ECHDC1: variants seen among roughly 807,000 people sequenced by gnomAD.
ECHDC1 encodes ethylmalonyl-CoA decarboxylase 1.
A neutral mutation model predicts 29.7 loss-of-function variants in ECHDC1; 29 were observed. The ratio of observed to expected loss-of-function variants is 0.98; its 90% CI spans 0.73 to 1.33. The LOEUF (loss-of-function observed/expected upper bound fraction) is 1.33, where lower values mean the gene tolerates loss of function less well. ECHDC1 is among the 40% of genes most tolerant of loss of function. The pLI is 0.00. For missense variants in ECHDC1, 328 were observed against 350.0 expected (o/e 0.94, Z 0.50); for synonymous variants, 126 against 123.1 (o/e 1.02, Z -0.15).
intron 1 of ECHDC1, among the ~76,000 whole-genome samples, chr6:127,333,314 G>T (rs1248850145): frequency 6.6e-6 from 1 of 152,110 alleles, no homozygotes; most frequent in Non-Finnish European, 1.5e-5. Flanking sequence ...TTCCCAGCTT[G>T]ACTTTTCCCT....
At chr6:127,338,247 T>C (rs868618128) in intron 1 of ECHDC1, among the ~76,000 whole-genome samples, 1 of 152,186 alleles carries the variant, frequency 6.6e-6, no homozygotes, top group Non-Finnish European at 1.5e-5. Flanking sequence ...TTGTTAGCGA[T>C]TTCAGAGAGA....
chr6:127,328,044 A>G (rs576768508), intron 2 of ECHDC1, among the ~76,000 whole-genome samples: 1 of 152,358 alleles, frequency 6.6e-6, no homozygotes, highest in African/African-American at 2.4e-5. Flanking sequence ...AGGTTCCAAA[A>G]GATGGCCCCA....
chr6:127,292,181 T>A (rs1780248964), intron 5 of ECHDC1, among the ~76,000 whole-genome samples: 1 of 152,044 alleles, frequency 6.6e-6, no homozygotes, highest in African/African-American at 2.4e-5. Context: ...TAAAGGACTA[T>A]GCCAGGAATA....
chr6:127,319,539 T>C (rs954672163), intron 3 of ECHDC1, among the ~76,000 whole-genome samples: 2 of 152,152 alleles, frequency 1.3e-5, no homozygotes, highest in African/African-American at 4.8e-5. Context: ...TGAGAAAGAT[T>C]TCATTAAATT....
intron 3 of ECHDC1, among the ~76,000 whole-genome samples, chr6:127,317,309 A>T (rs1013967798): frequency 1.3e-5 from 2 of 151,926 alleles, no homozygotes; most frequent in Non-Finnish European, 2.9e-5. Flanking sequence ...CTAATCCATG[A>T]TTTTCTCTGT....
At chr6:127,310,916 C>T (rs945269982) in intron 5 of ECHDC1, among the ~76,000 whole-genome samples, 7 of 152,194 alleles carry the variant, frequency 4.6e-5, no homozygotes, top group African/African-American at 1.7e-4. Context: ...AGATTCCCCA[C>T]CAGATTACAT....
At chr6:127,300,552 A>T (rs1780977567) in intron 5 of ECHDC1, among the ~76,000 whole-genome samples, 1 of 152,236 alleles carries the variant, frequency 6.6e-6, no homozygotes, top group Admixed American at 6.5e-5. Flanking sequence ...TCAAAGTATG[A>T]GAGGAACTTG....
chr6:127,313,462 C>A (rs1782110069), intron 5 of ECHDC1: 1 of 398,474 alleles, frequency 2.5e-6, no homozygotes, highest in African/African-American at 2.1e-5. Context: ...TTCAGCCCCC[C>A]AAAATGCTGG....
At chr6:127,309,481 AC>A (rs1781712433) in intron 5 of ECHDC1, among the ~76,000 whole-genome samples, 50 of 216 alleles carry the variant, frequency 0.23, 1 homozygote, top group Non-Finnish European at 0.28. Flanking sequence ...AAACAACAAA[AC>A]ACACACACAC....
chr6:127,304,934 A>T (rs1056042578), intron 5 of ECHDC1, among the ~76,000 whole-genome samples: 5 of 152,258 alleles, frequency 3.3e-5, no homozygotes, highest in Admixed American at 6.5e-5. Flanking sequence ...CAAAAGGGCA[A>T]ATCTAAGAGT....
chr6:127,290,667 C>T (rs1278607306), intron 5 of ECHDC1, among the ~76,000 whole-genome samples: 1 of 151,906 alleles, frequency 6.6e-6, no homozygotes, highest in Non-Finnish European at 1.5e-5. Flanking sequence ...TCTCAAAAGT[C>T]CTTAGTGGGG....
In ECHDC1 at chr6:127,332,171, C is replaced by G. The variant is rs758321230; in HGVS notation, c.-2-1141G>C. On this transcript the variant is annotated intron_variant, in intron 1 of 5. Transcript: ENST00000454859. ...TCTGTGTCACCTTTCAGTCAAAACC[C>G]TTCAAGTAAAAGTAACTTCTTGACT... Among the ~76,000 whole-genome samples, 16 of 152,248 alleles carry G rather than the reference C, an allele frequency of 1.1e-4. No homozygotes were observed. In the South Asian group the frequency reaches 1.9e-3, roughly 18 times the overall value.
At chr6:127,331,150 T>TA in intron 1 of ECHDC1, 120 bp from the exon 2 acceptor site, 5 of 672,636 alleles carry the variant, frequency 7.4e-6, no homozygotes, top group Non-Finnish European at 1.2e-5. Flanking sequence ...CTTCCCCATT[T>TA]CTTTTTTTTT....
chr6:127,333,247 T>C (rs1784123312), intron 1 of ECHDC1, among the ~76,000 whole-genome samples: 1 of 152,226 alleles, frequency 6.6e-6, no homozygotes. Flanking sequence ...GTAGCTCTTT[T>C]ATCTTTTCAG....
At chr6:127,338,225 G>C (rs189723045) in intron 1 of ECHDC1, among the ~76,000 whole-genome samples, 95 of 152,270 alleles carry the variant, frequency 6.2e-4, no homozygotes, top group African/African-American at 2.2e-3. Context: ...ATTCCTATTA[G>C]TGATCACCCC....
At chr6:127,320,762 C>G (rs1175233303) in intron 3 of ECHDC1, among the ~76,000 whole-genome samples, 1 of 151,828 alleles carries the variant, frequency 6.6e-6, no homozygotes, top group Non-Finnish European at 1.5e-5. Context: ...TTTGTGTTAT[C>G]CTAGTGGATC....
At chr6:127,323,540 C>T (rs763210141) in intron 3 of ECHDC1, among the ~76,000 whole-genome samples, 1 of 152,006 alleles carries the variant, frequency 6.6e-6, no homozygotes, top group South Asian at 2.1e-4. Flanking sequence ...AATAGCTCAG[C>T]GAAATATCCA....
intron 3 of ECHDC1, among the ~76,000 whole-genome samples, chr6:127,324,814 T>G (rs751056328): frequency 1.3e-4 from 20 of 152,122 alleles, no homozygotes; most frequent in Non-Finnish European, 2.6e-4. Context: ...ATAATGCATA[T>G]AAAATAAATA....
intron 5 of ECHDC1, among the ~76,000 whole-genome samples, chr6:127,310,145 A>G (rs1308732494): frequency 6.6e-6 from 1 of 152,162 alleles, no homozygotes; most frequent in Non-Finnish European, 1.5e-5. Context: ...AAAAAAATAG[A>G]AAGAATGAAT....
Sources: allele counts gnomAD v4.1 joint callset (sites outside exome capture counted in the v4.1 genomes callset), GRCh38; gene constraint gnomAD v4.1.1; transcripts MANE v1.5; gene names NCBI Gene and HGNC (gene_info 2026-07-23, HGNC 2026-07-21).